Variants in SUFU observed in about 807,000 individuals in gnomAD.
SUFU encodes the protein suppressor of fused homolog.
A neutral mutation model predicts 58.9 loss-of-function variants in SUFU; 7 were observed. That is an observed-to-expected ratio of 0.12 (90% CI 0.07 to 0.22). The LOEUF (loss-of-function observed/expected upper bound fraction) is 0.22. SUFU is among the 10% of genes least tolerant of loss of function. The probability of loss-of-function intolerance (pLI) is 1.00; values close to 1 mark genes in which losing one functional copy is unlikely to be tolerated. For missense variants in SUFU, 451 were observed against 641.3 expected (o/e 0.70, Z 3.20); for synonymous variants, 232 against 254.8 (o/e 0.91, Z 0.85).
chr10:102,540,133 A>G (rs1012168517), intron 2 of SUFU, among the ~76,000 whole-genome samples: 2 of 152,172 alleles, frequency 1.3e-5, no homozygotes, highest in Non-Finnish European at 1.5e-5. Flanking sequence ...TTGCCAGCCC[A>G]GGAATCAGCC....
At chr10:102,528,272 C>T (rs2135688340) in intron 2 of SUFU, among the ~76,000 whole-genome samples, 1 of 152,220 alleles carries the variant, frequency 6.6e-6, no homozygotes, top group East Asian at 1.9e-4. Flanking sequence ...CTTAGAATTT[C>T]TAAAATTCAG....
intron 3 of SUFU, among the ~76,000 whole-genome samples, chr10:102,551,940 C>A (rs368944804): frequency 6.6e-6 from 1 of 151,276 alleles, no homozygotes; most frequent in Non-Finnish European, 1.5e-5. Flanking sequence ...TTAGCCAGGA[C>A]GGTCTCGATC....
intron 2 of SUFU, among the ~76,000 whole-genome samples, chr10:102,517,467 T>G (rs1017370218): frequency 7.2e-5 from 11 of 152,090 alleles, no homozygotes; most frequent in Non-Finnish European, 1.6e-4. Context: ...AGTCCCGGGA[T>G]TTTTCCCTGT....
chr10:102,568,921 C>CATATATAT (rs2063128081), intron 3 of SUFU, among the ~76,000 whole-genome samples: 3 of 9,544 alleles, frequency 3.1e-4, no homozygotes, highest in Admixed American at 2.1e-3. Flanking sequence ...TATATATATA[C>CATATATAT]ACATATATAT....
rs1030172760 is a variant in SUFU at position 102,619,323 on chromosome 10, G to A, written c.1296+1895G>A. 24 of 1,433,000 alleles carry A rather than the reference G, an allele frequency of 1.7e-5. No homozygotes were observed. The African/African-American group carries it at 1.7e-4, about 10-fold the overall frequency. 88.8% of individuals were successfully genotyped at this position (1,433,000 alleles called of 1,614,324 possible). A position where few individuals can be genotyped will look rare whatever the true frequency, so the allele number is the denominator to read the frequency against. Reference sequence around the variant, plus strand: ...CTCACCTCCCTGGCAGCCCCTCAGCGAGCCTGAGGCCCAGCACCCGCTGGC... The same window carrying A: ...CTCACCTCCCTGGCAGCCCCTCAGCAAGCCTGAGGCCCAGCACCCGCTGGC... On this transcript the variant is annotated intron_variant, in intron 10 of 11. Transcript: ENST00000369902. This position sits in a 1 kb window ranked among gnomAD's most constrained non-coding sequence, Gnocchi z 4.2.
intron 3 of SUFU, among the ~76,000 whole-genome samples, chr10:102,584,261 A>G (rs1590053881): frequency 6.6e-6 from 1 of 152,174 alleles, no homozygotes; most frequent in Non-Finnish European, 1.5e-5. Flanking sequence ...GTTTGCCAAA[A>G]CCAGCAGGCG....
intron 3 of SUFU, among the ~76,000 whole-genome samples, chr10:102,590,559 TG>T (rs1167138174): frequency 6.6e-5 from 10 of 152,182 alleles, no homozygotes; most frequent in African/African-American, 2.2e-4. Context: ...GGTCTATAGT[TG>T]TTTTTTTTCT....
At chr10:102,598,251 G>A (rs916139083) in intron 7 of SUFU, among the ~76,000 whole-genome samples, 1 of 151,990 alleles carries the variant, frequency 6.6e-6, no homozygotes, top group African/African-American at 2.4e-5. Flanking sequence ...TTCCCAGGCT[G>A]AAGTGATTCT....
chr10:102,548,436 T>C (rs11594073), intron 2 of SUFU, among the ~76,000 whole-genome samples: 79,311 of 151,880 alleles, frequency 0.52, 21,179 homozygotes, highest in Middle Eastern at 0.63. Flanking sequence ...AGATGCCACG[T>C]GGAATTCTAG....
chr10:102,597,444 A>G, intron 7 of SUFU, 151 bp downstream of exon 7: 1 of 1,096,284 alleles, frequency 9.1e-7, no homozygotes, highest in Non-Finnish European at 1.3e-6. Flanking sequence ...GAAGTCTTCC[A>G]GCAGGGCGGA....
chr10:102,535,089 A>G (rs1035270176), intron 2 of SUFU, among the ~76,000 whole-genome samples: 15 of 152,168 alleles, frequency 9.9e-5, no homozygotes, highest in African/African-American at 3.6e-4. Flanking sequence ...CCCAAGGAGA[A>G]GGGCTGGTTG....
chr10:102,627,618 C>T (rs2063797684), intron 11 of SUFU, among the ~76,000 whole-genome samples: 1 of 152,238 alleles, frequency 6.6e-6, no homozygotes, highest in South Asian at 2.1e-4. Flanking sequence ...AACAGAACGC[C>T]CATGTCTGTT....
chr10:102,557,535 TTGAGCCAGGGAGGTCGAGGCTGCAG>T (rs540156579), intron 3 of SUFU, among the ~76,000 whole-genome samples: 219 of 152,178 alleles, frequency 1.4e-3, no homozygotes, highest in Non-Finnish European at 2.7e-3. Flanking sequence ...CGAGGCTGCC[TTGAGCCAGGGAGGTCGAGGCTGCAG>T]TGAGCCATGA....
chr10:102,569,093 TA>T lies in SUFU; in HGVS notation c.454+18988del, dbSNP rs376015800. Among the ~76,000 whole-genome samples the T allele has an allele frequency of 9.3e-5, 14 of 151,320 alleles. No individual in the cohort carries two copies. In the East Asian group the frequency reaches 2.7e-3, roughly 29 times the overall value. On this transcript the variant is annotated intron_variant, in intron 3 of 11. Transcript: ENST00000369902. ...CAGTTTTCCCTATTTTAAACAACAC[TA>T]TAAGATTGTTGCCCATATATGAACA...
At position 102,633,377 on chromosome 10, in the gene SUFU, G is replaced by A. The variant is rs1590097913; in HGVS notation, c.*3222G>A. On this transcript the variant is annotated 3_prime_UTR_variant, in exon 12 of 12. Coordinates refer to ENST00000369902, the MANE Select transcript of SUFU (RefSeq NM_016169.4). ...CTGGGACTTTTGTAAGAATTTTTGG[G>A]TGACTCACTTAGATGTCGTTTCCTT... 1 of 233,354 alleles carries A rather than the reference G, an allele frequency of 4.3e-6. No individual in the cohort carries two copies. The highest frequency in any genetic ancestry group is 6.0e-5 in the East Asian group (1 of 16,554). 14.5% of individuals were successfully genotyped at this position (233,354 alleles called of 1,614,324 possible). A position where few individuals can be genotyped will look rare whatever the true frequency, so the allele number is the denominator to read the frequency against.
chr10:102,566,695 G>A (rs2063093573), intron 3 of SUFU, among the ~76,000 whole-genome samples: 1 of 151,204 alleles, frequency 6.6e-6, no homozygotes, highest in East Asian at 2.0e-4. Flanking sequence ...AACTTGGGAG[G>A]CGGAGGTTGC....
At chr10:102,589,716 G>T (rs1394061105) in intron 3 of SUFU, among the ~76,000 whole-genome samples, 1 of 152,086 alleles carries the variant, frequency 6.6e-6, no homozygotes, top group Non-Finnish European at 1.5e-5. Flanking sequence ...AAAGTGCTGG[G>T]ATTAGAGGCG....
intron 2 of SUFU, among the ~76,000 whole-genome samples, chr10:102,521,045 C>T (rs1336088998): frequency 2.0e-5 from 3 of 152,148 alleles, no homozygotes; most frequent in African/African-American, 7.2e-5. Context: ...GAGAAGCTGC[C>T]AAACCATTTT....
At chr10:102,558,766 G>A (rs571216049) in intron 3 of SUFU, among the ~76,000 whole-genome samples, 77 of 152,364 alleles carry the variant, frequency 5.1e-4, no homozygotes, top group African/African-American at 1.9e-3. Context: ...CGGGACTGGA[G>A]GGACATGTCT....
Sources: gnomAD v4.1 joint callset for allele counts (sites outside exome capture counted in the v4.1 genomes callset) on GRCh38, gnomAD v4.1.1 for gene constraint, Gnocchi (gnomAD v3.1) non-coding constraint, MANE v1.5 for transcripts, NCBI Gene and HGNC (gene_info 2026-07-23, HGNC 2026-07-21) for gene names.